The following TMEM178A variants were observed in gnomAD, a reference collection of about 807,000 sequenced individuals.
TMEM178A encodes the protein transmembrane protein 178A, also known as transmembrane protein 178.
In TMEM178A, 12 loss-of-function variants were observed where a neutral mutation model predicts 29.1. That is an observed-to-expected ratio of 0.41 (90% CI 0.26 to 0.67). The LOEUF (loss-of-function observed/expected upper bound fraction) is 0.67, where lower values mean the gene tolerates loss of function less well. Ranked by LOEUF, TMEM178A falls within the 30% of genes least tolerant of loss-of-function variation. TMEM178A has a pLI of 0.29. For missense variants in TMEM178A, 366 were observed against 419.1 expected, an observed-to-expected ratio of 0.87 and a Z score of 1.11; for synonymous variants, 210 against 187.2, an observed-to-expected ratio of 1.12 and a Z score of -0.99.
intron 3 of TMEM178A, among the ~76,000 whole-genome samples, chr2:39,708,499 A>G (rs1387100034): frequency 7.0e-6 from 1 of 142,336 alleles, no homozygotes; most frequent in Non-Finnish European, 1.5e-5. Flanking sequence ...ACTCACTGCA[A>G]GCTCCGCCTC....
intron 1 of TMEM178A, among the ~76,000 whole-genome samples, chr2:39,685,185 G>A (rs925949997): frequency 1.9e-4 from 29 of 152,076 alleles, no homozygotes; most frequent in African/African-American, 6.3e-4. Context: ...TGGTCTAGCC[G>A]CCTCCTTCCT....
Position 39,666,166 on chromosome 2 carries a change from C to T in TMEM178A, c.192C>T (p.His64=). ...DQKNRLMPLS[H]LPLRDSPPLG... Reference sequence around the variant, plus strand: ...AGAACCGCCTGATGCCGCTGTCGCACCTGCCGCTGCGGGACTCGCCCCCGC... The same window carrying T: ...AGAACCGCCTGATGCCGCTGTCGCATCTGCCGCTGCGGGACTCGCCCCCGC... The change falls in exon 1 of 4, where the codon CAC becomes CAT. Residue 64 remains histidine (H), a synonymous_variant. Transcript: ENST00000281961. The T allele has an allele frequency of 1.3e-6, 2 of 1,489,736 alleles. No individual in the cohort carries two copies. Among genetic ancestry groups the T allele is most frequent in the Non-Finnish European group, 1.8e-6 (2 of 1,125,246 alleles). The allele number at this position is 1,489,736 out of a possible 1,614,324, so 92.3% of individuals were successfully genotyped here. A position where few individuals can be genotyped will look rare whatever the true frequency, so the allele number is the denominator to read the frequency against.
At chr2:39,702,657 A>C (rs1284080864) in intron 1 of TMEM178A, among the ~76,000 whole-genome samples, 1 of 151,674 alleles carries the variant, frequency 6.6e-6, no homozygotes, top group African/African-American at 2.4e-5. Flanking sequence ...CATGGGGCTC[A>C]TGTTGAAAAA....
At chr2:39,675,802 CA>C (rs1670598966) in intron 1 of TMEM178A, among the ~76,000 whole-genome samples, 1 of 151,854 alleles carries the variant, frequency 6.6e-6, no homozygotes, top group Non-Finnish European at 1.5e-5. Flanking sequence ...TTTTTAGAGA[CA>C]AGGTTTCATT....
chr2:39,707,392 G>C (rs1018239551), intron 3 of TMEM178A, among the ~76,000 whole-genome samples: 2 of 152,198 alleles, frequency 1.3e-5, no homozygotes, highest in African/African-American at 4.8e-5. Context: ...CCCCATTGTG[G>C]CCTGTTAGTA....
intron 3 of TMEM178A, among the ~76,000 whole-genome samples, chr2:39,712,910 C>T (rs1366792378): frequency 6.6e-6 from 1 of 152,226 alleles, no homozygotes; most frequent in Non-Finnish European, 1.5e-5. Flanking sequence ...GAAAATGCAG[C>T]ATTATCAGAA....
At chr2:39,668,281 C>A (rs1435717751) in intron 1 of TMEM178A, among the ~76,000 whole-genome samples, 3 of 152,230 alleles carry the variant, frequency 2.0e-5, no homozygotes, top group African/African-American at 7.2e-5. Context: ...TAGCCCAGTA[C>A]TTCCGTAAGA....
chr2:39,705,093 T>C (rs1312889448), intron 2 of TMEM178A, among the ~76,000 whole-genome samples: 2 of 152,228 alleles, frequency 1.3e-5, no homozygotes, highest in Non-Finnish European at 2.9e-5. Context: ...CAGAGAGCCA[T>C]GTAGTTACTG....
intron 1 of TMEM178A, among the ~76,000 whole-genome samples, chr2:39,672,531 A>G (rs568735066): frequency 1.3e-5 from 2 of 151,710 alleles, no homozygotes; most frequent in Admixed American, 1.3e-4. Flanking sequence ...TTCTTTTTTC[A>G]TTTTTTTTGA....
chr2:39,702,191 G>T lies in TMEM178A; in HGVS notation c.401-1890G>T, dbSNP rs554366406. The stretch of plus-strand genomic sequence containing the variant: ...TTGTCCCTTTCTAGGGTTGATTATT[G>T]TTTTTATTGTTGTTGCTGTTGTTCC... On this transcript the variant is annotated intron_variant, in intron 1 of 3. Transcript: ENST00000281961. Among the ~76,000 whole-genome samples the T allele has an allele frequency of 2.6e-5, 4 of 151,978 alleles. No homozygotes were observed. In the East Asian group the frequency reaches 7.7e-4, roughly 29 times the overall value.
chr2:39,683,852 G>A (rs1572660014), intron 1 of TMEM178A, among the ~76,000 whole-genome samples: 1 of 152,294 alleles, frequency 6.6e-6, no homozygotes. Context: ...TGACGTACTT[G>A]AGATCAGGCT....
rs1347624626 is a variant in TMEM178A, at chr2:39,705,370, C to T, written c.514+1176C>T. 2.0e-5 allele frequency among the ~76,000 whole-genome samples: 3 copies of T among 152,192 alleles called. No homozygotes were observed. In the East Asian group the frequency reaches 5.8e-4, roughly 29 times the overall value. On this transcript the variant is annotated intron_variant, in intron 2 of 3. Transcript: ENST00000281961. ...AATCCCATGTGGATTATATCTGAAC[C>T]TTGTGCCTTTTCAGAGTCACAGAAA...
chr2:39,675,206 CA>C (rs1283094822), intron 1 of TMEM178A, among the ~76,000 whole-genome samples: 1 of 152,086 alleles, frequency 6.6e-6, no homozygotes, highest in Non-Finnish European at 1.5e-5. Flanking sequence ...GTGGGGGCTT[CA>C]TCCAGATCAT....
chr2:39,666,449 G>A, intron 1 of TMEM178A, 75 bp downstream of exon 1: 2 of 1,183,032 alleles, frequency 1.7e-6, no homozygotes, highest in Non-Finnish European at 1.0e-6. Context: ...GGGGCGCGCC[G>A]GTCCCCGCAG....
chr2:39,731,861 G>C, the TMEM178A span, among the ~76,000 whole-genome samples: 10 of 152,210 alleles, frequency 6.6e-5, no homozygotes, highest in African/African-American at 2.4e-4. Flanking sequence ...GGGCCACTGA[G>C]CAAGCACCAG....
rs1670144267 is a variant in TMEM178A at position 39,666,144 on chromosome 2, A to G, written c.170A>G (p.Asn57Ser). The G allele has an allele frequency of 6.6e-7, 1 of 1,524,022 alleles. No homozygotes were observed. The highest frequency in any genetic ancestry group is 8.8e-7 in the Non-Finnish European group (1 of 1,142,502). The allele number at this position is 1,524,022 out of a possible 1,614,324, so 94.4% of individuals were successfully genotyped here. ...RAGADPPDQK[N>S]RLMPLSHLPL... ...GGCGCCGACCCCCCGGACCAGAAGA[A>G]CCGCCTGATGCCGCTGTCGCACCTG... The change falls in exon 1 of 4, where the codon AAC becomes AGC. Residue 57 changes from asparagine to serine, a missense_variant. Around this residue, in one of 2 missense-constraint regions of TMEM178A, gnomAD observed 247 missense variants for 246.8 expected, o/e 1.00. Coordinates refer to ENST00000281961, the MANE Select transcript of TMEM178A (RefSeq NM_152390.3).
chr2:39,704,246 A>G, intron 2 of TMEM178A, 52 bp downstream of exon 2: 1 of 1,466,968 alleles, frequency 6.8e-7, no homozygotes, highest in Non-Finnish European at 9.5e-7. Flanking sequence ...TTCTGAACAA[A>G]ATTCCCACCA....
chr2:39,716,449 T>A (rs555836849), intron 3 of TMEM178A, among the ~76,000 whole-genome samples: 1 of 152,202 alleles, frequency 6.6e-6, no homozygotes, highest in African/African-American at 2.4e-5. Flanking sequence ...TTACATCATA[T>A]GGTATATGTA....
At chr2:39,675,148 T>C (rs113412450) in intron 1 of TMEM178A, among the ~76,000 whole-genome samples, 30 of 152,278 alleles carry the variant, frequency 2.0e-4, no homozygotes, top group African/African-American at 7.2e-4. Flanking sequence ...ACAGAATATA[T>C]TGCTTGGAAG....
Sources: gnomAD v4.1 joint callset for allele counts (sites outside exome capture counted in the v4.1 genomes callset) on GRCh38, gnomAD v4.1.1 for gene constraint, gnomAD v4.1.1 regional missense constraint, MANE v1.5 for transcripts, NCBI Gene and HGNC (gene_info 2026-07-23, HGNC 2026-07-21) for gene names.